Variants in TFCP2 observed in about 807,000 individuals in gnomAD.
The protein encoded by TFCP2 is alpha-globin transcription factor CP2.
In TFCP2, 33 loss-of-function variants were observed where a neutral mutation model predicts 73.4. The observed-to-expected ratio is 0.45, with a 90% CI of 0.34 to 0.60. TFCP2 has a LOEUF of 0.60. Ranked by LOEUF, TFCP2 falls within the 20% of genes least tolerant of loss-of-function variation. The pLI is 0.01. For missense variants in TFCP2, 352 were observed against 604.0 expected, an observed-to-expected ratio of 0.58 and a Z score of 4.37; for synonymous variants, 193 against 211.6, an observed-to-expected ratio of 0.91 and a Z score of 0.76.
intron 1 of TFCP2, among the ~76,000 whole-genome samples, chr12:51,170,735 A>T (rs1941843259): frequency 6.6e-6 from 1 of 151,582 alleles, no homozygotes; most frequent in Admixed American, 6.6e-5. Flanking sequence ...GCTGGAGTGC[A>T]ATGATGCGAT....
intron 6 of TFCP2, among the ~76,000 whole-genome samples, chr12:51,108,296 A>G (rs1381418812): frequency 6.6e-6 from 1 of 151,872 alleles, no homozygotes; most frequent in East Asian, 1.9e-4. Context: ...AAAAAAAAAA[A>G]AGAAGAGGGA....
chr12:51,140,563 G>C (rs1941171362), intron 1 of TFCP2, among the ~76,000 whole-genome samples: 1 of 142,960 alleles, frequency 7.0e-6, no homozygotes, highest in Non-Finnish European at 1.5e-5. Context: ...TGGGATTATA[G>C]GTGTGAGCCA....
intron 1 of TFCP2, among the ~76,000 whole-genome samples, chr12:51,133,619 C>T (rs1421152000): frequency 6.6e-6 from 1 of 150,944 alleles, no homozygotes; most frequent in East Asian, 2.0e-4. Flanking sequence ...CCTTTGTTTT[C>T]ACTCTTTGGG....
At chr12:51,117,045 C>T (rs965307711) in intron 3 of TFCP2, among the ~76,000 whole-genome samples, 3 of 152,188 alleles carry the variant, frequency 2.0e-5, no homozygotes, top group Admixed American at 6.6e-5. Context: ...TTCTGTTATA[C>T]CACGGCCTAT....
chr12:51,172,397 A>G lies in TFCP2; in HGVS notation c.26T>C (p.Leu9Pro), dbSNP rs775568599. 4 of 1,614,176 alleles carry G rather than the reference A, an allele frequency of 2.5e-6. No individual in the cohort carries two copies. The highest frequency in any genetic ancestry group is 1.7e-5 in the Admixed American group (1 of 60,030). The change falls in exon 1 of 15, where the codon CTG (leucine) becomes CCG (proline). Residue 9 changes from leucine (L) to proline (P), a missense_variant. By Grantham distance (98) the Leu-to-Pro change is moderately conservative (BLOSUM62 -3). Transcript: ENST00000257915. The stretch of plus-strand genomic sequence containing the variant: ...CCCGGATTCAATCACTTCGTCGGCC[A>G]GAGGCAGCTTCAGAGCCCAGGCCAT... MAWALKLP[L>P]ADEVIESGLV...
intron 8 of TFCP2, among the ~76,000 whole-genome samples, chr12:51,105,435 C>T (rs1345707982): frequency 2.0e-5 from 3 of 152,070 alleles, no homozygotes; most frequent in Non-Finnish European, 4.4e-5. Context: ...GTCCCTCTTC[C>T]CTAATGCCTA....
chr12:51,104,489 A>G (rs944523761), intron 8 of TFCP2, among the ~76,000 whole-genome samples: 8 of 152,206 alleles, frequency 5.3e-5, no homozygotes, highest in Non-Finnish European at 1.0e-4. Flanking sequence ...GAGATAAATT[A>G]TGGCATAAAA....
At chr12:51,163,592 AAAAT>A (rs1364764096) in intron 1 of TFCP2, among the ~76,000 whole-genome samples, 2 of 151,934 alleles carry the variant, frequency 1.3e-5, no homozygotes, top group Non-Finnish European at 2.9e-5. Flanking sequence ...TCTGTCTCAA[AAAAT>A]AAATAAATAA....
intron 9 of TFCP2, 179 bp from the exon 10 acceptor site, chr12:51,103,942 A>T (rs908686596): frequency 1.4e-6 from 1 of 695,072 alleles, no homozygotes; most frequent in African/African-American, 1.8e-5. Context: ...TCCCCACTAG[A>T]CTATAAGCTG....
At chr12:51,162,422 G>A (rs1941667921) in intron 1 of TFCP2, among the ~76,000 whole-genome samples, 2 of 151,114 alleles carry the variant, frequency 1.3e-5, no homozygotes, top group South Asian at 4.2e-4. Flanking sequence ...CTTGAGCCTG[G>A]GTGATAGAGC....
chr12:51,097,124 G>A lies in TFCP2; in HGVS notation c.1420-1084C>T, dbSNP rs1055148740. ...ATTATAGGCACGTGCCACCACACCC[G>A]GCTAATTTTGTATTTTAGTAGAGAC... is the stretch of plus-strand genomic sequence containing the variant. On this transcript the variant is annotated intron_variant, in intron 13 of 14. Transcript: ENST00000257915. Among the ~76,000 whole-genome samples, 6 of 151,902 alleles carry A rather than the reference G, an allele frequency of 3.9e-5. No homozygotes were observed. The East Asian group carries it at 7.7e-4, about 20-fold the overall frequency.
At chr12:51,120,377 G>A (rs1592803922) in intron 1 of TFCP2, among the ~76,000 whole-genome samples, 1 of 152,068 alleles carries the variant, frequency 6.6e-6, no homozygotes, top group Non-Finnish European at 1.5e-5. Context: ...CGGACACAAA[G>A]AATGTGTAAT....
At chr12:51,158,325 A>G (rs1264812278) in intron 1 of TFCP2, among the ~76,000 whole-genome samples, 1 of 151,810 alleles carries the variant, frequency 6.6e-6, no homozygotes, top group Non-Finnish European at 1.5e-5. Flanking sequence ...TTATAATCTT[A>G]TAGGACCACT....
chr12:51,169,939 T>C (rs1009568642), intron 1 of TFCP2, among the ~76,000 whole-genome samples: 3 of 152,228 alleles, frequency 2.0e-5, no homozygotes, highest in African/African-American at 7.2e-5. Context: ...GCATATGGTA[T>C]TGCACCTAGT....
intron 1 of TFCP2, among the ~76,000 whole-genome samples, chr12:51,122,253 C>CTTTTTTTTTTTTTTTTTTTTTTTT (rs11347975): frequency 1.4e-5 from 1 of 73,180 alleles, no homozygotes; most frequent in Non-Finnish European, 2.6e-5. Flanking sequence ...TTTTTCTTTT[C>CTTTTTTTTTTTTTTTTTTTTTTTT]TTTTTTTTTT....
At chr12:51,119,217 G>A (rs1356691794) in intron 1 of TFCP2, among the ~76,000 whole-genome samples, 1 of 152,114 alleles carries the variant, frequency 6.6e-6, no homozygotes, top group African/African-American at 2.4e-5. Flanking sequence ...TCAATAACGA[G>A]TATATATTTC....
chr12:51,118,565 A>G (rs986567677), intron 2 of TFCP2, 56 bp downstream of exon 2: 27 of 1,577,456 alleles, frequency 1.7e-5, no homozygotes, highest in Non-Finnish European at 2.2e-5. Flanking sequence ...AACAAACAAA[A>G]AAATCATAAA....
intron 10 of TFCP2, 63 bp from the exon 11 acceptor site, chr12:51,102,088 A>C (rs1263610377): frequency 3.4e-5 from 40 of 1,164,584 alleles, no homozygotes; most frequent in Non-Finnish European, 4.6e-5. Flanking sequence ...TGACTATTAA[A>C]ATGGGCTGTA....
At position 51,128,070 on chromosome 12, in the gene TFCP2, C is replaced by A. The variant is rs979775861; in HGVS notation, c.123-9298G>T. 7.2e-5 allele frequency among the ~76,000 whole-genome samples: 11 copies of A among 152,094 alleles called. 1 individual carries two copies. In the South Asian group the frequency reaches 2.3e-3, roughly 32 times the overall value. ...GAGTAGCTGGGATTACATGTGTGCA[C>A]CACCATGCCCAGCTAATTTTTGTAT... On this transcript the variant is annotated intron_variant, in intron 1 of 14. Coordinates refer to ENST00000257915, the MANE Select transcript of TFCP2 (RefSeq NM_005653.5).
Sources: gnomAD v4.1 joint callset for allele counts (sites outside exome capture counted in the v4.1 genomes callset) on GRCh38, gnomAD v4.1.1 for gene constraint, MANE v1.5 for transcripts, NCBI Gene and HGNC (gene_info 2026-07-23, HGNC 2026-07-21) for gene names.